The following HSD17B2 variants were observed in gnomAD, a reference collection of about 807,000 sequenced individuals.
HSD17B2 encodes 17-beta-hydroxysteroid dehydrogenase type 2.
A neutral mutation model predicts 26.9 loss-of-function variants in HSD17B2; 32 were observed. The ratio of observed to expected loss-of-function variants is 1.19; its 90% CI spans 0.90 to 1.60. The LOEUF is 1.60. Ranked by LOEUF, HSD17B2 falls within the 40% of genes most tolerant of loss-of-function variation. The probability of loss-of-function intolerance (pLI) is 0.00; values close to 1 mark genes in which losing one functional copy is unlikely to be tolerated. For missense variants in HSD17B2, 613 were observed against 468.6 expected (o/e 1.31, Z -2.85); for synonymous variants, 246 against 186.7 (o/e 1.32, Z -2.59).
chr16:82,045,325 A>C (rs901130660), intron 1 of HSD17B2, among the ~76,000 whole-genome samples: 3 of 152,060 alleles, frequency 2.0e-5, no homozygotes, highest in Non-Finnish European at 4.4e-5. Flanking sequence ...TAAGATATAC[A>C]GTATCTAAAT....
chr16:82,059,044 C>G (rs530018877), intron 1 of HSD17B2, among the ~76,000 whole-genome samples: 1 of 152,302 alleles, frequency 6.6e-6, no homozygotes, highest in African/African-American at 2.4e-5. Context: ...AGTCCGTACT[C>G]TGATGGAGAT....
intron 3 of HSD17B2, among the ~76,000 whole-genome samples, chr16:82,076,222 T>A (rs765438046): frequency 2.0e-5 from 3 of 152,100 alleles, no homozygotes; most frequent in Non-Finnish European, 2.9e-5. Context: ...AAACTGTGTA[T>A]AGAAGGAACA....
At chr16:82,058,370 C>T (rs1267317980) in intron 1 of HSD17B2, among the ~76,000 whole-genome samples, 2 of 152,102 alleles carry the variant, frequency 1.3e-5, no homozygotes, top group African/African-American at 4.8e-5. Context: ...CGCACCCAGC[C>T]ATAAGATGTT....
At chr16:82,066,746 T>C (rs1204175007) in intron 1 of HSD17B2, among the ~76,000 whole-genome samples, 1 of 152,206 alleles carries the variant, frequency 6.6e-6, no homozygotes, top group African/African-American at 2.4e-5. Flanking sequence ...ATTATTATTA[T>C]ACTGCAAATT....
chr16:82,052,888 T>C (rs907197722), intron 1 of HSD17B2, among the ~76,000 whole-genome samples: 3 of 152,214 alleles, frequency 2.0e-5, no homozygotes, highest in Admixed American at 6.5e-5. Flanking sequence ...AAGAGCATGG[T>C]ACTGGCATTG....
At chr16:82,045,150 A>G (rs914485486) in intron 1 of HSD17B2, among the ~76,000 whole-genome samples, 6 of 151,528 alleles carry the variant, frequency 4.0e-5, no homozygotes, top group Middle Eastern at 6.3e-3. Context: ...AAAAGAGAGA[A>G]AAAAGAAAAG....
chr16:82,095,931 A>G (rs2142370276), intron 4 of HSD17B2: 2 of 152,352 alleles, frequency 1.3e-5, no homozygotes, highest in Middle Eastern at 3.4e-3. Context: ...AGGGCACACA[A>G]AACTGTTAGT....
At chr16:82,066,412 C>T (rs1435981862) in intron 1 of HSD17B2, among the ~76,000 whole-genome samples, 1 of 152,204 alleles carries the variant, frequency 6.6e-6, no homozygotes, top group East Asian at 1.9e-4. Context: ...CTCTCTCTGG[C>T]AGTGTTCGCA....
intron 3 of HSD17B2, among the ~76,000 whole-genome samples, chr16:82,075,866 G>A (rs901087305): frequency 6.9e-6 from 1 of 145,790 alleles, no homozygotes; most frequent in Non-Finnish European, 1.5e-5. Flanking sequence ...CTCATCCTAT[G>A]AGCCCTATAT....
intron 4 of HSD17B2, chr16:82,097,274 GTGTA>G (rs898716507): frequency 2.1e-5 from 2 of 97,136 alleles, no homozygotes; most frequent in African/African-American, 3.1e-5. Flanking sequence ...GTCTATGTGT[GTGTA>G]TGTGTGTGTG....
At chr16:82,047,078 G>T (rs8191071) in intron 1 of HSD17B2, among the ~76,000 whole-genome samples, 5,465 of 152,280 alleles carry the variant, frequency 0.036, 335 homozygotes, top group African/African-American at 0.12. Flanking sequence ...CCTTAAGAAA[G>T]AGAACTCCTT....
chr16:82,055,212 G>A (rs183978003), intron 1 of HSD17B2, among the ~76,000 whole-genome samples: 2 of 152,274 alleles, frequency 1.3e-5, no homozygotes, highest in East Asian at 3.9e-4. Flanking sequence ...TGGTTAAAAT[G>A]GCCTCTCTGC....
In HSD17B2 at chr16:82,090,302, G is replaced by GTTTTTTTTTTTTTTTTTT. The variant is rs35272646; in HGVS notation, c.665-583_665-566dup. The GTTTTTTTTTTTTTTTTTT allele has an allele frequency of 5.0e-5, 2 of 40,068 alleles. 1 individual carries two copies. Among genetic ancestry groups the GTTTTTTTTTTTTTTTTTT allele is most frequent in the African/African-American group, 2.3e-4 (2 of 8,576 alleles). The allele number at this position is 40,068 out of a possible 1,614,324, so 2.5% of individuals were successfully genotyped here. A position where few individuals can be genotyped will look rare whatever the true frequency, so the allele number is the denominator to read the frequency against. ...CTCTTCATCTTACCTAAACTACATTGTTTTTTTTTTTTTTTTTTTTTTTTT... is the reference window on the plus strand; with the variant it reads ...CTCTTCATCTTACCTAAACTACATTGTTTTTTTTTTTTTTTTTTTTTTTTTTTTTTTTTTTTTTTTTTT... On this transcript the variant is annotated intron_variant, in intron 3 of 4. Coordinates refer to ENST00000199936, the MANE Select transcript of HSD17B2 (RefSeq NM_002153.3).
At chr16:82,044,695 C>G (rs567824322) in intron 1 of HSD17B2, 2 of 152,512 alleles carry the variant, frequency 1.3e-5, no homozygotes, top group African/African-American at 4.8e-5. Context: ...CTTTGCTCCA[C>G]CTCCCTGGGG....
intron 1 of HSD17B2, among the ~76,000 whole-genome samples, chr16:82,049,913 C>T (rs1321313233): frequency 6.6e-6 from 1 of 152,208 alleles, no homozygotes; most frequent in South Asian, 2.1e-4. Flanking sequence ...TTCTTGAATC[C>T]GGTGGATATC....
In HSD17B2 at chr16:82,097,229, TC is replaced by T. The variant is rs1331671394; in HGVS notation, c.803-845del. 16 of 148,066 alleles carry T rather than the reference TC, an allele frequency of 1.1e-4. 1 individual carries two copies. In the Middle Eastern group the frequency reaches 0.014, roughly 129 times the overall value. 9.2% of individuals were successfully genotyped at this position (148,066 alleles called of 1,614,324 possible). A position where few individuals can be genotyped will look rare whatever the true frequency, so the allele number is the denominator to read the frequency against. ...GTATATGTCTATGTCTATGTCTATG[TC>T]TATGTCTATGTCTATGTCTATGTCT... On this transcript the variant is annotated intron_variant, in intron 4 of 4. Transcript: ENST00000199936.
At chr16:82,063,652 C>T (rs1473204302) in intron 1 of HSD17B2, among the ~76,000 whole-genome samples, 1 of 152,170 alleles carries the variant, frequency 6.6e-6, no homozygotes, top group Non-Finnish European at 1.5e-5. Context: ...CAAGATGAGG[C>T]AGTAAATATT....
At chr16:82,045,965 C>G (rs534934028) in intron 1 of HSD17B2, among the ~76,000 whole-genome samples, 1 of 152,230 alleles carries the variant, frequency 6.6e-6, no homozygotes, top group Non-Finnish European at 1.5e-5. Flanking sequence ...ACTGTGAAGA[C>G]CTTTGCTCTA....
intron 3 of HSD17B2, among the ~76,000 whole-genome samples, chr16:82,080,243 A>G (rs1229737498): frequency 6.6e-6 from 1 of 152,130 alleles, no homozygotes; most frequent in East Asian, 1.9e-4. Context: ...TACACGTCCC[A>G]TTGTCTGCAA....
Sources: allele counts gnomAD v4.1 joint callset (sites outside exome capture counted in the v4.1 genomes callset), GRCh38; gene constraint gnomAD v4.1.1; transcripts MANE v1.5; gene names NCBI Gene and HGNC (gene_info 2026-07-23, HGNC 2026-07-21).